ZNF473: variants seen among roughly 807,000 people sequenced by gnomAD.
ZNF473 encodes the protein zinc finger protein 100 homolog.
In ZNF473, 4 loss-of-function variants were observed where a neutral mutation model predicts 11.1. The ratio of observed to expected loss-of-function variants is 0.36; its 90% CI spans 0.18 to 0.82. The LOEUF is 0.82. ZNF473 is among the 40% of genes least tolerant of loss of function. The pLI is 0.49. For missense variants in ZNF473, 854 were observed against 1,084.0 expected, an observed-to-expected ratio of 0.79 and a Z score of 2.98; for synonymous variants, 404 against 390.4, an observed-to-expected ratio of 1.03 and a Z score of -0.41.
In ZNF473 at chr19:50,045,573, G is replaced by A. The variant is rs757287782; in HGVS notation, c.1130G>A (p.Cys377Tyr). 3.6e-5 allele frequency: 58 copies of A among 1,614,214 alleles called. No homozygotes were observed. Among genetic ancestry groups the A allele is most frequent in the Non-Finnish European group, 4.6e-5 (54 of 1,180,040 alleles). Residue 377 changes from cysteine to tyrosine, a missense_variant, in exon 5 of 5, where the codon TGT becomes TAT. This residue lies in a region of ZNF473 where 668 missense variants were observed against 790.2 expected (regional missense o/e 0.85). Transcript: ENST00000270617. ...CACGCTGCAAAAACTACCTCTGAGT[G>A]TCAGGAGTGTGGGAAGATTTTTAGG... is the stretch of plus-strand genomic sequence containing the variant. ...KTHAAKTTSE[C>Y]QECGKIFRHS... is the part of the protein sequence containing the mutation.
intron 2 of ZNF473, among the ~76,000 whole-genome samples, chr19:50,037,101 C>A (rs1373822920): frequency 6.6e-6 from 1 of 152,166 alleles, no homozygotes; most frequent in Non-Finnish European, 1.5e-5. Context: ...CTTTTGCAGT[C>A]AGATGCCTGG....
rs753960599 is a variant in ZNF473 at position 50,045,439 on chromosome 19, C to A, written c.996C>A (p.Ile332=). The change falls in exon 5 of 5, where the codon ATC becomes ATA. Residue 332 remains isoleucine (I), a synonymous_variant. Coordinates refer to ENST00000270617, the MANE Select transcript of ZNF473 (RefSeq NM_015428.4). ...CNECGKAFTR[I]FHLTRHQKIH... ...AATGCGGCAAGGCTTTTACCCGGAT[C>A]TTCCACCTTACTCGGCACCAGAAGA... 6.2e-7 allele frequency: 1 copy of A among 1,613,542 alleles called. No homozygotes were observed. Among genetic ancestry groups the A allele is most frequent in the East Asian group, 2.2e-5 (1 of 44,800 alleles).
rs929783377 is a variant in ZNF473, at chr19:50,041,877, A to C, written c.226+58A>C. ...TTCTGTCTTCCAGACCTCCATCCTG[A>C]GGCTGCAGCCAGCTTTCCCACAGGT... On this transcript the variant is annotated intron_variant, in intron 4 of 4. Transcript: ENST00000270617. 3.0e-5 allele frequency: 43 copies of C among 1,413,016 alleles called. No homozygotes were observed. In the African/African-American group the frequency reaches 5.6e-4, roughly 18 times the overall value. 87.5% of individuals were successfully genotyped at this position (1,413,016 alleles called of 1,614,324 possible). A position where few individuals can be genotyped will look rare whatever the true frequency, so the allele number is the denominator to read the frequency against.
chr19:50,046,561 A>G lies in ZNF473; in HGVS notation c.2118A>G (p.Glu706=). ...HARKKPLVCN[E]CGKTFRQSSC... The stretch of plus-strand genomic sequence containing the variant: ...GAAAGAAGCCGTTGGTGTGTAACGA[A>G]TGCGGGAAAACGTTCCGTCAGAGCT... Residue 706 remains glutamate, a synonymous_variant, in exon 5 of 5, where the codon GAA becomes GAG. Transcript: ENST00000270617. The surrounding 1 kb of genome is among the most constrained non-coding windows in gnomAD (Gnocchi z 5.9). 1 of 1,614,244 alleles carries G rather than the reference A, an allele frequency of 6.2e-7. No individual in the cohort carries two copies. Among genetic ancestry groups the G allele is most frequent in the Non-Finnish European group, 8.5e-7 (1 of 1,180,040 alleles).
At chr19:50,036,993 A>G (rs1240081602) in intron 2 of ZNF473, among the ~76,000 whole-genome samples, 1 of 152,244 alleles carries the variant, frequency 6.6e-6, no homozygotes, top group Admixed American at 6.5e-5. Flanking sequence ...AGTTGGGGAT[A>G]ATCCTGCCTC....
chr19:50,040,989 T>TG (rs1978736629), intron 3 of ZNF473: 1 of 152,258 alleles, frequency 6.6e-6, no homozygotes, highest in Admixed American at 6.5e-5. Context: ...CGTTTCCTAT[T>TG]GCTGCTGTTA....
At position 50,039,210 on chromosome 19, in the gene ZNF473, G is replaced by A. The variant is rs765029121; in HGVS notation, c.59G>A (p.Trp20Ter). The A allele has an allele frequency of 6.2e-7, 1 of 1,614,192 alleles. No homozygotes were observed. Among genetic ancestry groups the A allele is most frequent in the South Asian group, 1.1e-5 (1 of 91,084 alleles). Reference sequence around the variant, plus strand: ...GGCATGGACTTCACCTTGGGAGACTGGGAGCAGCTCGGGCTGGAACAGGGG... The same window carrying A: ...GGCATGGACTTCACCTTGGGAGACTAGGAGCAGCTCGGGCTGGAACAGGGG... ...DVGMDFTLGD[W>*]EQLGLEQGDT... Residue 20 changes from tryptophan (W) to a stop codon, truncating the protein, a stop_gained, in exon 3 of 5, where the codon TGG (tryptophan) becomes TAG (stop). Coordinates refer to ENST00000270617, the MANE Select transcript of ZNF473 (RefSeq NM_015428.4). LOFTEE classifies it high-confidence loss of function. The surrounding 1 kb of genome is among the most constrained non-coding windows in gnomAD (Gnocchi z 4.8).
At chr19:50,027,556 G>A (rs2077292869) in intron 1 of ZNF473, among the ~76,000 whole-genome samples, 1 of 152,060 alleles carries the variant, frequency 6.6e-6, no homozygotes, top group Admixed American at 6.6e-5. Context: ...ATGAGATGTG[G>A]GCAGAATGTG....
At chr19:50,034,443 C>T (rs1343409666) in intron 2 of ZNF473, among the ~76,000 whole-genome samples, 1 of 152,188 alleles carries the variant, frequency 6.6e-6, no homozygotes, top group East Asian at 1.9e-4. Flanking sequence ...TGCAGAAATG[C>T]ACACACATCA....
Position 50,047,332 on chromosome 19 carries a change from A to C in ZNF473, c.*273A>C. The C allele has an allele frequency of 2.7e-6, 1 of 366,898 alleles. No individual in the cohort carries two copies. Among genetic ancestry groups the C allele is most frequent in the Non-Finnish European group, 5.1e-6 (1 of 198,008 alleles). 22.7% of individuals were successfully genotyped at this position (366,898 alleles called of 1,614,324 possible). Reference sequence around the variant, plus strand: ...AAGTGACCTTGGGAAGGTCAGAAAAATCTCTCAGGGCCTCGGTGTCCTTAT... The same window carrying C: ...AAGTGACCTTGGGAAGGTCAGAAAACTCTCTCAGGGCCTCGGTGTCCTTAT... On this transcript the variant is annotated 3_prime_UTR_variant, in exon 5 of 5. Transcript: ENST00000270617.
At position 50,046,765 on chromosome 19, in the gene ZNF473, T is replaced by A. The variant is rs142572670; in HGVS notation, c.2322T>A (p.Ser774=). The part of the protein sequence containing the change: ...GKAFTQSSCL[S]IHRRVHTGEK... ...CCTTCACCCAGAGCTCATGCCTTTC[T>A]ATTCACCGGAGAGTTCACACTGGGG... The change falls in exon 5 of 5, where the codon TCT becomes TCA. Residue 774 remains serine, a synonymous_variant. Transcript: ENST00000270617. This position sits in a 1 kb window ranked among gnomAD's most constrained non-coding sequence, Gnocchi z 5.9. The A allele has an allele frequency of 5.6e-6, 9 of 1,614,024 alleles. No homozygotes were observed. The highest frequency in any genetic ancestry group is 7.6e-6 in the Non-Finnish European group (9 of 1,180,026).
intron 1 of ZNF473, among the ~76,000 whole-genome samples, chr19:50,026,770 G>A (rs1236228714): frequency 6.6e-6 from 1 of 152,072 alleles, no homozygotes; most frequent in African/African-American, 2.4e-5. Flanking sequence ...GAACCCAGGA[G>A]GCAGAGGTTG....
chr19:50,032,703 G>T (rs1381039871), intron 2 of ZNF473, among the ~76,000 whole-genome samples: 1 of 151,782 alleles, frequency 6.6e-6, no homozygotes, highest in Non-Finnish European at 1.5e-5. Flanking sequence ...GAAATTGGTG[G>T]TCTCCCAGTC....
chr19:50,047,866 AAC>A lies in ZNF473; in HGVS notation c.*811_*812del, dbSNP rs1285866935. ...AATTTTTCATGGGAGTTGACACCAAAACACAGCTGGATTCCATCAGGAAAGCT... is the reference window on the plus strand; with the variant it reads ...AATTTTTCATGGGAGTTGACACCAAAACAGCTGGATTCCATCAGGAAAGCT... On this transcript the variant is annotated 3_prime_UTR_variant, in exon 5 of 5. Coordinates refer to ENST00000270617, the MANE Select transcript of ZNF473 (RefSeq NM_015428.4). The A allele has an allele frequency of 1.3e-5, 2 of 152,214 alleles. No individual in the cohort carries two copies. Among genetic ancestry groups the A allele is most frequent in the African/African-American group, 4.8e-5 (2 of 41,450 alleles). 9.4% of individuals were successfully genotyped at this position (152,214 alleles called of 1,614,324 possible).
chr19:50,037,469 G>GA (rs1478393382), intron 2 of ZNF473, among the ~76,000 whole-genome samples: 7 of 152,030 alleles, frequency 4.6e-5, no homozygotes, highest in Non-Finnish European at 1.0e-4. Context: ...GGTGTGTGGG[G>GA]GCAGGCTTTC....
intron 1 of ZNF473, among the ~76,000 whole-genome samples, chr19:50,028,969 A>C (rs576998730): frequency 6.6e-6 from 1 of 152,176 alleles, no homozygotes; most frequent in African/African-American, 2.4e-5. Flanking sequence ...CAGAACAACA[A>C]ATTTTTTTTC....
intron 1 of ZNF473, among the ~76,000 whole-genome samples, chr19:50,026,827 G>GT (rs2077284714): frequency 6.6e-6 from 1 of 152,104 alleles, no homozygotes; most frequent in Non-Finnish European, 1.5e-5. Context: ...TGCTAAAGGG[G>GT]TTTCCAGGCC....
At chr19:50,034,042 A>T (rs1286156461) in intron 2 of ZNF473, among the ~76,000 whole-genome samples, 1 of 152,212 alleles carries the variant, frequency 6.6e-6, no homozygotes, top group Non-Finnish European at 1.5e-5. Flanking sequence ...GACAATCTAC[A>T]GGATATCTCA....
At chr19:50,042,014 C>G (rs753808108) in intron 4 of ZNF473, 195 bp downstream of exon 4, 6 of 463,460 alleles carry the variant, frequency 1.3e-5, no homozygotes, top group Non-Finnish European at 2.3e-5. Context: ...GACCCTCACT[C>G]TGGGGTCTCT....
Sources: allele counts gnomAD v4.1 joint callset (sites outside exome capture counted in the v4.1 genomes callset), GRCh38; gene constraint gnomAD v4.1.1; regional missense constraint gnomAD v4.1.1; non-coding constraint Gnocchi (gnomAD v3.1); transcripts MANE v1.5; gene names NCBI Gene and HGNC (gene_info 2026-07-23, HGNC 2026-07-21).